DPP10: variants seen among roughly 807,000 people sequenced by gnomAD.
DPP10 encodes dipeptidyl peptidase like 10.
DPP10 carries 33 observed loss-of-function variants against 120.9 expected under a neutral mutation model. That is an observed-to-expected ratio of 0.27 (90% CI 0.21 to 0.37). The LOEUF is 0.37. Among genes scored for constraint, DPP10 ranks in the 10% least tolerant of loss-of-function variants. The pLI is 1.00. For missense variants in DPP10, 816 were observed against 942.8 expected (o/e 0.87, Z 1.76); for synonymous variants, 337 against 326.1 (o/e 1.03, Z -0.36).
At chr2:115,568,076 G>T (rs1020414989) in intron 5 of DPP10, among the ~76,000 whole-genome samples, 4 of 152,116 alleles carry the variant, frequency 2.6e-5, no homozygotes, top group Non-Finnish European at 4.4e-5. Flanking sequence ...TACTTGGGAG[G>T]CTGAGGCAGG....
At chr2:115,253,032 A>C (rs1461909296) in intron 1 of DPP10, among the ~76,000 whole-genome samples, 1 of 152,234 alleles carries the variant, frequency 6.6e-6, no homozygotes, top group Non-Finnish European at 1.5e-5. Flanking sequence ...AAAGAGGTTT[A>C]ACTGGCTCTG....
intron 1 of DPP10, among the ~76,000 whole-genome samples, chr2:114,990,000 T>G (rs930600035): frequency 5.3e-5 from 8 of 152,204 alleles, no homozygotes; most frequent in African/African-American, 1.9e-4. Flanking sequence ...ATATATCTTT[T>G]ATTACATTAG....
intron 1 of DPP10, among the ~76,000 whole-genome samples, chr2:115,007,264 T>A (rs1454249462): frequency 6.6e-6 from 1 of 152,164 alleles, no homozygotes; most frequent in Non-Finnish European, 1.5e-5. Context: ...GCAAGCCTGG[T>A]TCAATATACG....
chr2:115,841,690 T>G (rs1690164067), intron 25 of DPP10, among the ~76,000 whole-genome samples: 1 of 152,210 alleles, frequency 6.6e-6, no homozygotes, highest in African/African-American at 2.4e-5. Flanking sequence ...TTTGTATTTT[T>G]TATTTGTATT....
intron 1 of DPP10, among the ~76,000 whole-genome samples, chr2:115,014,579 A>T (rs546704054): frequency 6.6e-6 from 1 of 152,100 alleles, no homozygotes; most frequent in Admixed American, 6.6e-5. Flanking sequence ...AAAGATCAAC[A>T]AAATAGACCA....
chr2:115,116,496 T>A (rs1337388610), intron 1 of DPP10, among the ~76,000 whole-genome samples: 1 of 152,206 alleles, frequency 6.6e-6, no homozygotes, highest in African/African-American at 2.4e-5. Flanking sequence ...GATCCTAATC[T>A]TAATTTATCA....
At chr2:115,291,381 A>T (rs2060648067) in intron 1 of DPP10, among the ~76,000 whole-genome samples, 1 of 152,106 alleles carries the variant, frequency 6.6e-6, no homozygotes, top group African/African-American at 2.4e-5. Flanking sequence ...ACATTATTAA[A>T]TTTGAAGACA....
At chr2:115,760,934 T>C (rs1203772810) in intron 11 of DPP10, among the ~76,000 whole-genome samples, 3 of 151,872 alleles carry the variant, frequency 2.0e-5, no homozygotes, top group African/African-American at 4.8e-5. Flanking sequence ...CTGTCTCTAC[T>C]AAAACTACAA....
At chr2:115,446,403 C>A (rs927941332) in intron 3 of DPP10, among the ~76,000 whole-genome samples, 1 of 152,040 alleles carries the variant, frequency 6.6e-6, no homozygotes, top group Non-Finnish European at 1.5e-5. Flanking sequence ...TCCTCCAGAC[C>A]CCAGAATGGC....
chr2:115,677,359 G>A (rs1016267078), intron 5 of DPP10, among the ~76,000 whole-genome samples: 1 of 152,058 alleles, frequency 6.6e-6, no homozygotes, highest in African/African-American at 2.4e-5. Flanking sequence ...GAGGAAGAAA[G>A]AAACAAAGAA....
intron 5 of DPP10, among the ~76,000 whole-genome samples, chr2:115,657,606 G>C (rs1308834313): frequency 6.6e-6 from 1 of 151,412 alleles, no homozygotes; most frequent in Non-Finnish European, 1.5e-5. Context: ...CATTCCAAAA[G>C]GGCTTCTTCA....
chr2:115,605,772 A>G (rs1344475730), intron 5 of DPP10, among the ~76,000 whole-genome samples: 1 of 152,076 alleles, frequency 6.6e-6, no homozygotes, highest in East Asian at 1.9e-4. Flanking sequence ...CTCAAAATCA[A>G]ACATTTCTGG....
At chr2:114,473,246 G>T (rs1354415419) in intron 1 of DPP10, among the ~76,000 whole-genome samples, 1 of 152,186 alleles carries the variant, frequency 6.6e-6, no homozygotes, top group East Asian at 1.9e-4. Context: ...AATAAGTGCA[G>T]TATGAGGTGT....
chr2:115,767,948 T>C (rs1680992614), intron 12 of DPP10, among the ~76,000 whole-genome samples: 1 of 152,156 alleles, frequency 6.6e-6, no homozygotes, highest in African/African-American at 2.4e-5. Context: ...TGCATGTTCT[T>C]TATCTTTGAA....
chr2:114,605,461 A>G (rs183919461), intron 1 of DPP10, among the ~76,000 whole-genome samples: 2 of 152,196 alleles, frequency 1.3e-5, no homozygotes, highest in African/African-American at 4.8e-5. Flanking sequence ...CTTCCTTATG[A>G]TTTTCTTAAT....
At chr2:114,649,681 G>GA (rs1696427754) in intron 1 of DPP10, among the ~76,000 whole-genome samples, 3 of 152,088 alleles carry the variant, frequency 2.0e-5, no homozygotes. Flanking sequence ...GCAATGATTT[G>GA]AAAAACACTA....
intron 1 of DPP10, among the ~76,000 whole-genome samples, chr2:115,227,719 C>T (rs771724976): frequency 5.3e-5 from 8 of 152,072 alleles, no homozygotes; most frequent in Non-Finnish European, 7.4e-5. Flanking sequence ...ATTTGAGATT[C>T]GTGCATGCTG....
chr2:114,610,386 C>A (rs1693188812), intron 1 of DPP10, among the ~76,000 whole-genome samples: 1 of 152,104 alleles, frequency 6.6e-6, no homozygotes, highest in Non-Finnish European at 1.5e-5. Context: ...GACCATATTT[C>A]ACTGGGGATC....
chr2:114,819,468 A>G (rs1272288408), intron 1 of DPP10, among the ~76,000 whole-genome samples: 2 of 152,182 alleles, frequency 1.3e-5, no homozygotes. Context: ...CGGAAATATC[A>G]TGAAAAATAA....
Sources: gnomAD v4.1 joint callset for allele counts (sites outside exome capture counted in the v4.1 genomes callset) on GRCh38, gnomAD v4.1.1 for gene constraint, MANE v1.5 for transcripts, NCBI Gene and HGNC (gene_info 2026-07-23, HGNC 2026-07-21) for gene names.